Variants in SRGAP3 observed in about 807,000 individuals in gnomAD.
SRGAP3 encodes the protein SLIT-ROBO Rho GTPase activating protein 3.
A neutral mutation model predicts 121.1 loss-of-function variants in SRGAP3; 39 were observed. That is an observed-to-expected ratio of 0.32 (90% confidence interval 0.25 to 0.42). SRGAP3 has a LOEUF of 0.42. SRGAP3 is among the 10% of genes least tolerant of loss of function. SRGAP3 has a pLI of 1.00. For synonymous variants in SRGAP3, 601 were observed against 570.0 expected (o/e 1.05, Z -0.77); for missense variants, 1,213 against 1,470.6 (o/e 0.82, Z 2.86).
At chr3:9,272,177 T>G (rs1007583019) in intron 3 of SRGAP3, among the ~76,000 whole-genome samples, 1 of 152,266 alleles carries the variant, frequency 6.6e-6, no homozygotes, top group East Asian at 1.9e-4. Flanking sequence ...TAGAAAATGT[T>G]GTCAGTCGTT....
chr3:9,015,257 G>T (rs1943574814), intron 15 of SRGAP3, among the ~76,000 whole-genome samples: 1 of 147,686 alleles, frequency 6.8e-6, no homozygotes, highest in Non-Finnish European at 1.5e-5. Flanking sequence ...CTCTTGGCTG[G>T]TCCCACTGGG....
chr3:9,152,775 A>G (rs1405176869), intron 1 of SRGAP3, among the ~76,000 whole-genome samples: 1 of 152,228 alleles, frequency 6.6e-6, no homozygotes, highest in Non-Finnish European at 1.5e-5. Flanking sequence ...TGGGACAGGT[A>G]CTAGAAGACT....
intron 10 of SRGAP3, among the ~76,000 whole-genome samples, chr3:9,044,773 C>G (rs934017598): frequency 6.6e-6 from 1 of 152,188 alleles, no homozygotes; most frequent in African/African-American, 2.4e-5. Context: ...CCAGTTGACA[C>G]TAAGAAGGAT....
intron 10 of SRGAP3, among the ~76,000 whole-genome samples, chr3:9,041,112 C>T (rs1284182095): frequency 6.6e-6 from 1 of 152,234 alleles, no homozygotes; most frequent in Non-Finnish European, 1.5e-5. Flanking sequence ...GTAATAAGTG[C>T]TGCAGCACAA....
intron 3 of SRGAP3, among the ~76,000 whole-genome samples, chr3:9,097,686 A>T (rs528844399): frequency 2.0e-5 from 3 of 152,208 alleles, no homozygotes; most frequent in African/African-American, 7.2e-5. Context: ...CAGCTGCAGG[A>T]AAGTGCTGCC....
At position 9,058,461 on chromosome 3, in the gene SRGAP3, C is replaced by T; in HGVS notation, c.813G>A (p.Leu271=). 2 of 1,613,898 alleles carry T rather than the reference C, an allele frequency of 1.2e-6. No homozygotes were observed. The highest frequency in any genetic ancestry group is 1.7e-6 in the Non-Finnish European group (2 of 1,180,024). ...TGCGGGCCAGGCTGGCATGGAAGCC[C>T]AAATCACAGCACTTGGGGAGAGGCA... ...DVSDLIDCCD[L]GFHASLARTF... The change falls in exon 7 of 22, where the codon TTG becomes TTA. Residue 271 remains leucine, a synonymous_variant. Transcript: ENST00000383836.
intron 1 of SRGAP3, among the ~76,000 whole-genome samples, chr3:9,214,136 A>G (rs999431287): frequency 3.3e-5 from 5 of 151,810 alleles, no homozygotes; most frequent in Non-Finnish European, 7.4e-5. Context: ...ACACACACAC[A>G]CACACATGCA....
At chr3:9,323,798 A>AACACACACACACACACACAC (rs139013302) in intron 3 of SRGAP3, among the ~76,000 whole-genome samples, 9 of 148,778 alleles carry the variant, frequency 6.0e-5, no homozygotes, top group African/African-American at 2.2e-4. Context: ...CTGTGTATCT[A>AACACACACACACACACACAC]ACACACACAC....
intron 1 of SRGAP3, among the ~76,000 whole-genome samples, chr3:9,346,454 T>C (rs1157070169): frequency 2.0e-5 from 3 of 152,200 alleles, no homozygotes; most frequent in East Asian, 1.9e-4. Context: ...TGCTATGATG[T>C]TGCCATTTTT....
At chr3:9,300,361 G>A (rs1275496466) in intron 3 of SRGAP3, among the ~76,000 whole-genome samples, 3 of 151,362 alleles carry the variant, frequency 2.0e-5, no homozygotes, top group Non-Finnish European at 4.4e-5. Flanking sequence ...TGCCTGGAAT[G>A]TCCTTTACCC....
chr3:8,992,557 T>C (rs950433693), intron 20 of SRGAP3: 6 of 424,810 alleles, frequency 1.4e-5, no homozygotes, highest in African/African-American at 9.8e-5. Flanking sequence ...ATATAACAAC[T>C]CAGTTCTACA....
chr3:9,277,907 G>A (rs1954613317), intron 3 of SRGAP3, among the ~76,000 whole-genome samples: 1 of 152,162 alleles, frequency 6.6e-6, no homozygotes, highest in South Asian at 2.1e-4. Context: ...TAGCTCAAGG[G>A]GGTGAAGCCC....
chr3:9,013,510 T>C lies in SRGAP3; in HGVS notation c.1945A>G (p.Met649Val), dbSNP rs1189746866. The change falls in exon 17 of 22, where the codon ATG (methionine) becomes GTG (valine). Residue 649 changes from methionine (M) to valine (V), a missense_variant. This residue lies in a region of SRGAP3 where 793 missense variants were observed against 1,032.9 expected (regional missense o/e 0.77). Transcript: ENST00000383836. ...ATGGCCAGGTTGTAGGGATCCATCA[T>C]GTTCTCGTCGCTATACTGGGAGAGG... is the stretch of plus-strand genomic sequence containing the variant. The part of the protein sequence containing the change: ...NHLSQYSDEN[M>V]MDPYNLAICF... 6.2e-7 allele frequency: 1 copy of C among 1,614,080 alleles called. No homozygotes were observed. The highest frequency in any genetic ancestry group is 8.5e-7 in the Non-Finnish European group (1 of 1,180,014).
At chr3:9,252,848 A>C (rs576699938), upstream of SRGAP3, among the ~76,000 whole-genome samples, 67 of 152,188 alleles carry the variant, frequency 4.4e-4, no homozygotes, top group Non-Finnish European at 6.6e-4. Flanking sequence ...TTTGTCTCCA[A>C]ATAAATGTGG....
At chr3:9,004,775 G>C (rs1452560153) in intron 18 of SRGAP3, among the ~76,000 whole-genome samples, 3 of 152,176 alleles carry the variant, frequency 2.0e-5, no homozygotes, top group African/African-American at 7.2e-5. Context: ...ACTCAAAATA[G>C]ATCAAAGATC....
chr3:9,142,852 T>A (rs961211650), intron 1 of SRGAP3, among the ~76,000 whole-genome samples: 2 of 145,966 alleles, frequency 1.4e-5, no homozygotes, highest in African/African-American at 5.2e-5. Context: ...TTTTTTTTTT[T>A]GATAAGACAG....
intron 3 of SRGAP3, among the ~76,000 whole-genome samples, chr3:9,306,072 CTGT>C (rs1285526708): frequency 6.8e-6 from 1 of 146,118 alleles, no homozygotes; most frequent in East Asian, 2.3e-4. Flanking sequence ...TCTCCATCAT[CTGT>C]TGTTTCTTGA....
In SRGAP3 at chr3:8,993,657, G is replaced by A. The variant is rs752900855; in HGVS notation, c.2409-602C>T. Among the ~76,000 whole-genome samples, 42 of 152,322 alleles carry A rather than the reference G, an allele frequency of 2.8e-4. No individual in the cohort carries two copies. The Middle Eastern group carries it at 0.014, about 49-fold the overall frequency. On this transcript the variant is annotated intron_variant, in intron 19 of 21. Coordinates refer to ENST00000383836, the MANE Select transcript of SRGAP3 (RefSeq NM_014850.4). ...CACTATGGCATTCCTCTGGCAGTCT[G>A]CTTGGCCCTGGCCTTTTCTCTGGCT...
At chr3:9,145,867 G>A (rs1950006107) in intron 1 of SRGAP3, among the ~76,000 whole-genome samples, 1 of 152,198 alleles carries the variant, frequency 6.6e-6, no homozygotes, top group African/African-American at 2.4e-5. Flanking sequence ...ATGGTGAGTG[G>A]GCAAAGGCCC....
Sources: gnomAD v4.1 joint callset for allele counts (sites outside exome capture counted in the v4.1 genomes callset) on GRCh38, gnomAD v4.1.1 for gene constraint, gnomAD v4.1.1 regional missense constraint, MANE v1.5 for transcripts, NCBI Gene and HGNC (gene_info 2026-07-23, HGNC 2026-07-21) for gene names.